SI: variants seen among roughly 807,000 people sequenced by gnomAD.
The protein encoded by SI is sucrase-isomaltase.
Under a neutral mutation model 253.3 loss-of-function variants are expected in SI, and 235 were observed. That is an observed-to-expected ratio of 0.93 (90% CI 0.83 to 1.03). SI has a LOEUF of 1.03. SI is among the 50% of genes least tolerant of loss of function. The probability of loss-of-function intolerance (pLI) is 0.00; values close to 1 mark genes in which losing one functional copy is unlikely to be tolerated. For missense variants in SI, 2,442 were observed against 2,211.1 expected (o/e 1.10, Z -2.09); for synonymous variants, 819 against 712.0 (o/e 1.15, Z -2.39).
intron 32 of SI, 106 bp from the exon 33 acceptor site, chr3:165,015,339 TGCTCTCAC>T: frequency 1.3e-6 from 1 of 756,838 alleles, no homozygotes; most frequent in Non-Finnish European, 2.3e-6. Context: ...CATAATAATG[TGCTCTCAC>T]ATTAAATGAC....
chr3:165,030,427 A>C (rs1237916724), intron 25 of SI, among the ~76,000 whole-genome samples: 6 of 151,136 alleles, frequency 4.0e-5, no homozygotes, highest in African/African-American at 1.4e-4. Flanking sequence ...AGTAGAGTGT[A>C]ACTCTCAGAC....
chr3:165,069,328 G>A (rs1220199716), intron 3 of SI, 133 bp from the exon 4 acceptor site: 2 of 673,062 alleles, frequency 3.0e-6, no homozygotes, highest in Admixed American at 2.5e-5. Flanking sequence ...AATAGCATTT[G>A]CTCTTTTGTT....
intron 33 of SI, 83 bp downstream of exon 33, chr3:165,015,039 GT>G: frequency 9.9e-7 from 1 of 1,010,036 alleles, no homozygotes; most frequent in Non-Finnish European, 1.5e-6. Context: ...CTCCTGAACG[GT>G]TTTAACTTTT....
chr3:165,069,293 C>G (rs1714420027), intron 3 of SI, 98 bp from the exon 4 acceptor site: 13 of 873,408 alleles, frequency 1.5e-5, no homozygotes, highest in Non-Finnish European at 2.1e-5. Context: ...AATAATCTAA[C>G]TTTTTCAAAT....
chr3:165,030,988 G>A, intron 24 of SI, 121 bp from the exon 25 acceptor site: 1 of 1,324,202 alleles, frequency 7.6e-7, no homozygotes, highest in Non-Finnish European at 1.0e-6. Flanking sequence ...CACAAAATGT[G>A]GCAACGAGGG....
chr3:165,089,319 A>C, the SI span, among the ~76,000 whole-genome samples: 1 of 152,122 alleles, frequency 6.6e-6, no homozygotes, highest in Non-Finnish European at 1.5e-5. Flanking sequence ...AGATGTTGGG[A>C]GAGAGGGTTA....
intron 10 of SI, among the ~76,000 whole-genome samples, chr3:165,059,632 A>AT: frequency 6.6e-6 from 1 of 152,084 alleles, no homozygotes; most frequent in Non-Finnish European, 1.5e-5. Context: ...ATTAAGGTCT[A>AT]TTTTAAAAAC....
At chr3:165,010,671 G>A (rs574373634) in intron 34 of SI, among the ~76,000 whole-genome samples, 32 of 152,054 alleles carry the variant, frequency 2.1e-4, no homozygotes, top group African/African-American at 7.7e-4. Context: ...TCATTTTTTA[G>A]TTTAACTTAT....
chr3:165,009,339 C>A lies in SI; in HGVS notation c.4119G>T (p.Trp1373Cys), dbSNP rs751871061. The A allele has an allele frequency of 8.1e-6, 13 of 1,613,676 alleles. No homozygotes were observed. The highest frequency in any genetic ancestry group is 1.1e-5 in the Non-Finnish European group (13 of 1,179,728). Residue 1373 changes from tryptophan to cysteine, a missense_variant, in exon 35 of 48, where the codon TGG becomes TGT. Transcript: ENST00000264382. Reference protein sequence around the residue: ...PDFFRTSTAEWWAREIVDFYN... With the variant: ...PDFFRTSTAECWAREIVDFYN... ...AAAAGTCCACAATTTCTCTGGCCCA[C>A]CACTCTGCTGTGGAAGTCCTGAAGA...
intron 3 of SI, 136 bp from the exon 4 acceptor site, chr3:165,069,331 C>T (rs1714420918): frequency 1.5e-6 from 1 of 662,454 alleles, no homozygotes; most frequent in Admixed American, 2.5e-5. Context: ...AGCATTTGCT[C>T]TTTTGTTTCT....
At chr3:165,025,620 A>G (rs1711869617) in intron 25 of SI, among the ~76,000 whole-genome samples, 1 of 150,808 alleles carries the variant, frequency 6.6e-6, no homozygotes, top group African/African-American at 2.4e-5. Flanking sequence ...GCTAACCTAT[A>G]AAAGAAAACA....
Position 165,018,151 on chromosome 3 carries a change from A to T in SI, c.3424-85T>A, listed in dbSNP as rs1719132687. 2.4e-5 allele frequency: 20 copies of T among 816,422 alleles called. 2 individuals are homozygous for T. In the South Asian group the frequency reaches 2.6e-4, roughly 11 times the overall value. The allele number at this position is 816,422 out of a possible 1,614,324, so 50.6% of individuals were successfully genotyped here. The stretch of plus-strand genomic sequence containing the variant: ...AATGTTATTTTAAAATTTATTATAC[A>T]ATCGAGACTTGATATTTAAATTCCC... On this transcript the variant is annotated intron_variant, in intron 28 of 47. Coordinates refer to ENST00000264382, the MANE Select transcript of SI (RefSeq NM_001041.4).
chr3:165,060,044 A>G lies in SI; in HGVS notation c.1021-17T>C, dbSNP rs1044483547. On this transcript the variant is annotated splice_polypyrimidine_tract_variant and intron_variant, in intron 9 of 47. Transcript: ENST00000264382. ...TCCAACAAGCTTAAAGTAAATGAGC[A>G]TGTAATTAGTTTGAATAGAAATAAA... The G allele has an allele frequency of 1.9e-6, 3 of 1,606,994 alleles. No homozygotes were observed. The highest frequency in any genetic ancestry group is 2.6e-6 in the Non-Finnish European group (3 of 1,174,730).
At chr3:165,036,518 T>C (rs1210278755) in intron 21 of SI, 41 bp from the exon 22 acceptor site, 1 of 1,355,722 alleles carries the variant, frequency 7.4e-7, no homozygotes, top group Non-Finnish European at 1.1e-6. Context: ...TAAAAATAAA[T>C]CCATAATAAT....
intron 15 of SI, among the ~76,000 whole-genome samples, chr3:165,048,544 AATATATATATACATATATATATGTATAT>A (rs1328972261): frequency 2.3e-5 from 3 of 132,880 alleles, no homozygotes; most frequent in African/African-American, 8.6e-5. Flanking sequence ...GTCTTAGTTA[AATATATATATACATATATATATGTATAT>A]ATATATATAT....
chr3:165,072,601 C>T (rs1241291265), intron 3 of SI, among the ~76,000 whole-genome samples: 2 of 151,938 alleles, frequency 1.3e-5, no homozygotes, highest in South Asian at 2.1e-4. Flanking sequence ...AAAAATGCTA[C>T]CTTGAAAATT....
At chr3:165,026,395 A>G (rs968230041) in intron 25 of SI, among the ~76,000 whole-genome samples, 1 of 151,330 alleles carries the variant, frequency 6.6e-6, no homozygotes, top group African/African-American at 2.4e-5. Context: ...GAGGACTTCA[A>G]TACTCCACTG....
chr3:165,060,936 A>T (rs972398546), intron 9 of SI, among the ~76,000 whole-genome samples: 1 of 149,688 alleles, frequency 6.7e-6, no homozygotes, highest in African/African-American at 2.4e-5. Flanking sequence ...GGTAACAATC[A>T]AAAAGAAATT....
Position 165,074,614 on chromosome 3 carries a change from A to G in SI, c.172T>C (p.Ser58Pro). ...PATTRVTTNP[S>P]DSGKCPNVLN... ...ACATTTGGACATTTTCCTGAATCAG[A>G]AGGATTTGTAGTCACACGAGTAGTA... Residue 58 changes from serine (S) to proline (P), a missense_variant, in exon 3 of 48, where the codon TCT (serine) becomes CCT (proline). Ser to Pro is a moderately conservative substitution (Grantham distance 74, BLOSUM62 -1). Coordinates refer to ENST00000264382, the MANE Select transcript of SI (RefSeq NM_001041.4). 6.2e-7 allele frequency: 1 copy of G among 1,610,856 alleles called. No individual in the cohort carries two copies. The highest frequency in any genetic ancestry group is 8.5e-7 in the Non-Finnish European group (1 of 1,177,756).
Sources: allele counts gnomAD v4.1 joint callset (sites outside exome capture counted in the v4.1 genomes callset), GRCh38; gene constraint gnomAD v4.1.1; transcripts MANE v1.5; gene names NCBI Gene and HGNC (gene_info 2026-07-23, HGNC 2026-07-21).